TSPAN18: variants seen among roughly 807,000 people sequenced by gnomAD.
TSPAN18 encodes the protein tetraspanin 18.
TSPAN18 carries 14 observed loss-of-function variants against 27.3 expected under a neutral mutation model. The ratio of observed to expected loss-of-function variants is 0.51; its 90% confidence interval spans 0.34 to 0.80. The LOEUF is 0.80. Among genes scored for constraint, TSPAN18 ranks in the 30% least tolerant of loss-of-function variants. The pLI is 0.01. For synonymous variants in TSPAN18, 143 were observed against 136.5 expected (o/e 1.05, Z -0.33); for missense variants, 268 against 323.9 (o/e 0.83, Z 1.32).
chr11:44,795,302 C>T (rs560169683), intron 2 of TSPAN18, among the ~76,000 whole-genome samples: 74 of 152,194 alleles, frequency 4.9e-4, no homozygotes, highest in Non-Finnish European at 9.1e-4. Context: ...GCTGCCTCAT[C>T]CCCTGGTCCT....
intron 3 of TSPAN18, among the ~76,000 whole-genome samples, chr11:44,899,578 C>T (rs1450214154): frequency 6.6e-6 from 1 of 152,174 alleles, no homozygotes; most frequent in Non-Finnish European, 1.5e-5. Flanking sequence ...CACCTTGTGG[C>T]GGGGCAGGAG....
intron 1 of TSPAN18, among the ~76,000 whole-genome samples, chr11:44,760,541 A>C (rs1040622551): frequency 6.6e-6 from 1 of 152,220 alleles, no homozygotes; most frequent in Non-Finnish European, 1.5e-5. Context: ...GTTATATTTC[A>C]ATTAAAACAG....
In TSPAN18 at chr11:44,729,414, C is replaced by T. The variant is rs549303839; in HGVS notation, c.-240+2127C>T. 3.9e-5 allele frequency among the ~76,000 whole-genome samples: 6 copies of T among 152,242 alleles called. No individual in the cohort carries two copies. In the South Asian group the frequency reaches 1.0e-3, roughly 26 times the overall value. On this transcript the variant is annotated intron_variant, in intron 1 of 9. Transcript: ENST00000520358. Reference sequence around the variant, plus strand: ...TTCTGTCCCTCCCCTCTTCTCCCTACCCCCACCCCACTTTTCCTGAATTGG... The same window carrying T: ...TTCTGTCCCTCCCCTCTTCTCCCTATCCCCACCCCACTTTTCCTGAATTGG...
chr11:44,819,975 A>G (rs1437364015), intron 2 of TSPAN18, among the ~76,000 whole-genome samples: 1 of 152,088 alleles, frequency 6.6e-6, no homozygotes, highest in Admixed American at 6.6e-5. Context: ...CCCTGGGACT[A>G]AGGACACAGA....
chr11:44,751,793 G>T (rs902839272), intron 1 of TSPAN18, among the ~76,000 whole-genome samples: 1 of 152,008 alleles, frequency 6.6e-6, no homozygotes, highest in African/African-American at 2.4e-5. Context: ...TGGACATGAT[G>T]GCAGGTGCCT....
At chr11:44,726,920 C>T (rs1220176558), upstream of TSPAN18, 1 of 13,044 alleles carries the variant, frequency 7.7e-5, no homozygotes, top group Non-Finnish European at 2.1e-4. Flanking sequence ...AGGGGAGGGA[C>T]GGACGGCGGC....
intron 1 of TSPAN18, among the ~76,000 whole-genome samples, chr11:44,741,139 C>T (rs992735084): frequency 2.6e-5 from 4 of 152,074 alleles, no homozygotes; most frequent in Admixed American, 6.6e-5. Context: ...GAAGCCGAGG[C>T]GTGGTTGTTG....
chr11:44,773,530 A>C (rs1188114478), intron 2 of TSPAN18, among the ~76,000 whole-genome samples: 2 of 152,102 alleles, frequency 1.3e-5, no homozygotes, highest in Admixed American at 1.3e-4. Context: ...TATCACCGAC[A>C]TTGTTTAGAA....
intron 2 of TSPAN18, among the ~76,000 whole-genome samples, chr11:44,831,235 A>G (rs1182011754): frequency 6.6e-6 from 1 of 152,208 alleles, no homozygotes. Context: ...GGGAACAGAA[A>G]AGCAGGAGAG....
Position 44,909,710 on chromosome 11 carries a change from CG to C in TSPAN18, c.73del (p.Ala25ProfsTer68). 6.2e-7 allele frequency: 1 copy of C among 1,609,658 alleles called. No individual in the cohort carries two copies. The highest frequency in any genetic ancestry group is 8.5e-7 in the Non-Finnish European group (1 of 1,179,322). On this transcript the variant is annotated frameshift_variant, in exon 5 of 10. Transcript: ENST00000520358. LOFTEE classifies it high-confidence loss of function. Reference sequence around the variant, plus strand: ...TCCTCCACTGGCCCGAGCAGCTGGGCGGGGCCTGCCTGCTGGCCATCGGCAT... The same window carrying C: ...TCCTCCACTGGCCCGAGCAGCTGGGCGGGCCTGCCTGCTGGCCATCGGCAT... ...FVFNFFIFLG[G>X]ACLLAIGIWV...
chr11:44,728,074 C>A (rs1489920116), intron 1 of TSPAN18, among the ~76,000 whole-genome samples: 1 of 152,228 alleles, frequency 6.6e-6, no homozygotes, highest in Non-Finnish European at 1.5e-5. Context: ...GCGAGGCAAC[C>A]GCGCCGACAT....
intron 2 of TSPAN18, among the ~76,000 whole-genome samples, chr11:44,851,612 A>ACC (rs1278720815): frequency 0.04 from 4,355 of 109,444 alleles, 284 homozygotes; most frequent in African/African-American, 0.052. Context: ...TACTCTTGTC[A>ACC]CCTCCCCCCC....
intron 5 of TSPAN18, among the ~76,000 whole-genome samples, chr11:44,912,136 C>T (rs1859743650): frequency 6.6e-6 from 1 of 152,020 alleles, no homozygotes; most frequent in African/African-American, 2.4e-5. Flanking sequence ...ATCCTCCCAC[C>T]TCAGCCCCCC....
intron 2 of TSPAN18, among the ~76,000 whole-genome samples, chr11:44,834,604 TAGAG>T (rs966230763): frequency 2.4e-4 from 37 of 152,254 alleles, no homozygotes; most frequent in African/African-American, 8.7e-4. Flanking sequence ...GGGGAAGTCA[TAGAG>T]AGAGGGGGTT....
intron 2 of TSPAN18, among the ~76,000 whole-genome samples, chr11:44,858,613 TG>T (rs1857797992): frequency 6.6e-6 from 1 of 152,128 alleles, no homozygotes; most frequent in Non-Finnish European, 1.5e-5. Flanking sequence ...CCCCCCTCCA[TG>T]GATCTGTTAG....
At chr11:44,758,827 C>T (rs569762217) in intron 1 of TSPAN18, among the ~76,000 whole-genome samples, 13 of 152,108 alleles carry the variant, frequency 8.5e-5, no homozygotes, top group East Asian at 1.9e-4. Flanking sequence ...CTCAGGTTTG[C>T]GGGGGCACAA....
chr11:44,867,250 G>A (rs557738673), intron 3 of TSPAN18, among the ~76,000 whole-genome samples: 9 of 152,156 alleles, frequency 5.9e-5, no homozygotes, highest in African/African-American at 2.2e-4. Flanking sequence ...AGGAGATTCT[G>A]ATGGAAGCTC....
chr11:44,764,925 C>T (rs1425671920), intron 2 of TSPAN18, among the ~76,000 whole-genome samples: 1 of 152,186 alleles, frequency 6.6e-6, no homozygotes, highest in African/African-American at 2.4e-5. Flanking sequence ...ATTACCTTCC[C>T]TCTGCCCTCG....
intron 3 of TSPAN18, among the ~76,000 whole-genome samples, chr11:44,894,092 G>C (rs562158940): frequency 6.6e-6 from 1 of 152,312 alleles, no homozygotes; most frequent in African/African-American, 2.4e-5. Flanking sequence ...TGCCGGGAGC[G>C]CAGGAAGGAG....
Sources: gnomAD v4.1 joint callset for allele counts (sites outside exome capture counted in the v4.1 genomes callset) on GRCh38, gnomAD v4.1.1 for gene constraint, MANE v1.5 for transcripts, NCBI Gene and HGNC (gene_info 2026-07-23, HGNC 2026-07-21) for gene names.